Variants in LRRN2 observed in about 807,000 individuals in gnomAD.
The protein encoded by LRRN2 is leucine rich repeat neuronal 2, also known as leucine-rich repeat neuronal protein 2.
LRRN2 carries 10 observed loss-of-function variants against 35.7 expected under a neutral mutation model. The observed-to-expected ratio is 0.28, with a 90% CI of 0.17 to 0.47. The LOEUF (loss-of-function observed/expected upper bound fraction) is 0.47. LRRN2 is among the 20% of genes least tolerant of loss of function. LRRN2 has a pLI of 0.99. For missense variants in LRRN2, 731 were observed against 940.3 expected, an observed-to-expected ratio of 0.78 and a Z score of 2.91; for synonymous variants, 391 against 409.6, an observed-to-expected ratio of 0.95 and a Z score of 0.55.
chr1:204,675,468 TAGAC>T (rs1668804816), intron 1 of LRRN2, among the ~76,000 whole-genome samples: 3 of 152,350 alleles, frequency 2.0e-5, no homozygotes, highest in South Asian at 2.1e-4. Context: ...CCCAGCTTCT[TAGAC>T]AGGAATCTAG....
intron 1 of LRRN2, among the ~76,000 whole-genome samples, chr1:204,684,532 C>T (rs549423226): frequency 6.6e-6 from 1 of 152,212 alleles, no homozygotes; most frequent in South Asian, 2.1e-4. Flanking sequence ...TCCCTCACCC[C>T]GCGGCTCCTC....
At chr1:204,641,771 G>A (rs1667983146) in intron 1 of LRRN2, among the ~76,000 whole-genome samples, 1 of 152,344 alleles carries the variant, frequency 6.6e-6, no homozygotes, top group Non-Finnish European at 1.5e-5. Flanking sequence ...GAGAGCCTAT[G>A]GGATGTTGCA....
intron 1 of LRRN2, among the ~76,000 whole-genome samples, chr1:204,668,706 C>T (rs952492196): frequency 3.3e-5 from 5 of 152,218 alleles, no homozygotes; most frequent in Non-Finnish European, 7.3e-5. Context: ...CAGTTTGCTT[C>T]ACTGTGAAAC....
chr1:204,630,068 C>T (rs1667643060), intron 1 of LRRN2, among the ~76,000 whole-genome samples: 1 of 152,120 alleles, frequency 6.6e-6, no homozygotes, highest in African/African-American at 2.4e-5. Context: ...AACAAATCTG[C>T]ACATGGACCC....
intron 1 of LRRN2, among the ~76,000 whole-genome samples, chr1:204,631,303 T>TATATATATATATATATA (rs397829934): frequency 1.8e-5 from 2 of 111,288 alleles, no homozygotes; most frequent in African/African-American, 3.5e-5. Context: ...TATATATATA[T>TATATATATATATATATA]GAAGAGCTGC....
At chr1:204,655,271 G>A (rs1353340776) in intron 1 of LRRN2, among the ~76,000 whole-genome samples, 1 of 152,110 alleles carries the variant, frequency 6.6e-6, no homozygotes, top group Non-Finnish European at 1.5e-5. Context: ...CCAAATTTAT[G>A]CTCTACATTT....
chr1:204,656,002 C>T (rs2772225), intron 1 of LRRN2, among the ~76,000 whole-genome samples: 94,256 of 151,376 alleles, frequency 0.62, 33,069 homozygotes, highest in Non-Finnish European at 0.77. Context: ...CTCCACCTCC[C>T]AGGTTCACGC....
intron 1 of LRRN2, among the ~76,000 whole-genome samples, chr1:204,631,262 ATAT>A (rs1225060806): frequency 0.054 from 2,035 of 37,902 alleles, 376 homozygotes; most frequent in Admixed American, 0.13. Flanking sequence ...TGTTCTATAT[ATAT>A]ATATATATAT....
intron 1 of LRRN2, among the ~76,000 whole-genome samples, chr1:204,654,928 G>A (rs1465669169): frequency 1.3e-5 from 2 of 152,190 alleles, no homozygotes; most frequent in African/African-American, 4.8e-5. Flanking sequence ...CAACACCCCT[G>A]CCATGAACCC....
In LRRN2 at chr1:204,618,635, G is replaced by T. The variant is rs1427269233; in HGVS notation, c.1358C>A (p.Pro453His). The T allele has an allele frequency of 6.2e-7, 1 of 1,611,516 alleles. No individual in the cohort carries two copies. The highest frequency in any genetic ancestry group is 8.5e-7 in the Non-Finnish European group (1 of 1,178,720). ...AGCTGGAGTGACCCAGTAGATCTCG[G>T]GTTCGGGTTCGGCCAGTGCCCGGCA... ...LHCRALAEPEPEIYWVTPAGL... is the reference protein window; with the variant it reads ...LHCRALAEPEHEIYWVTPAGL... The change falls in exon 2 of 2, where the codon CCC (proline) becomes CAC (histidine). Residue 453 changes from proline to histidine, a missense_variant. Pro to His is a moderately conservative substitution (Grantham distance 77). Around this residue, in one of 3 missense-constraint regions of LRRN2, gnomAD observed 256 missense variants for 392.4 expected, o/e 0.65. Coordinates refer to ENST00000367177, the MANE Select transcript of LRRN2 (RefSeq NM_201630.2).
chr1:204,653,602 T>C (rs1039862342), intron 1 of LRRN2, among the ~76,000 whole-genome samples: 5 of 152,210 alleles, frequency 3.3e-5, no homozygotes, highest in Non-Finnish European at 7.3e-5. Flanking sequence ...GGCTCATGCC[T>C]GTAATCCTAG....
intron 1 of LRRN2, 75 bp from the exon 2 acceptor site, chr1:204,620,293 T>G: frequency 9.3e-7 from 1 of 1,069,914 alleles, no homozygotes; most frequent in South Asian, 2.1e-5. Context: ...TTTGTTTGTT[T>G]GAGACAGAGT....
At chr1:204,638,661 C>T (rs1263703533) in intron 1 of LRRN2, among the ~76,000 whole-genome samples, 5 of 152,040 alleles carry the variant, frequency 3.3e-5, no homozygotes, top group South Asian at 2.1e-4. Context: ...CCACCCACCT[C>T]GGCCTCCCAA....
At chr1:204,660,323 C>T (rs563690289) in intron 1 of LRRN2, among the ~76,000 whole-genome samples, 7 of 152,326 alleles carry the variant, frequency 4.6e-5, no homozygotes, top group Non-Finnish European at 7.3e-5. Flanking sequence ...TTTCTGTTGT[C>T]ATCCCCATCA....
chr1:204,635,097 C>G (rs1667800669), intron 1 of LRRN2, among the ~76,000 whole-genome samples: 1 of 152,124 alleles, frequency 6.6e-6, no homozygotes, highest in Non-Finnish European at 1.5e-5. Flanking sequence ...ACTCACAGGA[C>G]CATTCTAAAG....
intron 1 of LRRN2, among the ~76,000 whole-genome samples, chr1:204,645,038 T>G (rs10900418): frequency 9.6e-4 from 146 of 152,182 alleles, no homozygotes; most frequent in African/African-American, 3.4e-3. Context: ...GCCAGCTATC[T>G]AGTACTTTCT....
rs921680475 is a variant in LRRN2, at chr1:204,674,090, C to T, written c.-227+11230G>A. 2.6e-5 allele frequency among the ~76,000 whole-genome samples: 4 copies of T among 152,284 alleles called. No homozygotes were observed. The South Asian group carries it at 8.3e-4, about 32-fold the overall frequency. ...TCTGCCTGACAGGTGAGCAGCTGTG[C>T]ACCATATCTGTCTGTCCATCTGTCT... is the stretch of plus-strand genomic sequence containing the variant. On this transcript the variant is annotated intron_variant, in intron 1 of 1. Transcript: ENST00000367177.
chr1:204,672,061 C>T (rs1430612080), intron 1 of LRRN2, among the ~76,000 whole-genome samples: 10 of 152,178 alleles, frequency 6.6e-5, no homozygotes, highest in Admixed American at 6.5e-4. Context: ...AAGAGGGTGG[C>T]TAGTGAGAAT....
rs573857534 is a variant in LRRN2, at chr1:204,677,467, G to C, written c.-227+7853C>G. Among the ~76,000 whole-genome samples the C allele has an allele frequency of 2.8e-4, 42 of 152,322 alleles. No individual in the cohort carries two copies. In the South Asian group the frequency reaches 6.4e-3, roughly 23 times the overall value. ...GGGAGAGGACACACTCACCCCTCAT[G>C]GGGGTGGAAGTTTGCTCATTTTGGT... On this transcript the variant is annotated intron_variant, in intron 1 of 1. Coordinates refer to ENST00000367177, the MANE Select transcript of LRRN2 (RefSeq NM_201630.2).
Sources: gnomAD v4.1 joint callset for allele counts (sites outside exome capture counted in the v4.1 genomes callset) on GRCh38, gnomAD v4.1.1 for gene constraint, gnomAD v4.1.1 regional missense constraint, MANE v1.5 for transcripts, NCBI Gene and HGNC (gene_info 2026-07-23, HGNC 2026-07-21) for gene names.